RAB2A: variants seen among roughly 807,000 people sequenced by gnomAD.
RAB2A encodes RAB2A, member RAS oncogene family, also known as ras-related protein Rab-2A.
In RAB2A, 7 loss-of-function variants were observed where a neutral mutation model predicts 32.5. The observed-to-expected ratio is 0.22, with a 90% CI of 0.12 to 0.40. RAB2A has a LOEUF of 0.40. RAB2A is among the 10% of genes least tolerant of loss of function. The pLI, the probability that RAB2A is intolerant of heterozygous loss-of-function variation, is 1.00. For synonymous variants in RAB2A, 79 were observed against 85.2 expected (o/e 0.93, Z 0.40); for missense variants, 108 against 260.7 (o/e 0.41, Z 4.03).
At chr8:60,565,410 C>T (rs1382797211) in intron 2 of RAB2A, among the ~76,000 whole-genome samples, 2 of 116,674 alleles carry the variant, frequency 1.7e-5, no homozygotes, top group African/African-American at 8.1e-5. Context: ...CAGAGCAAGA[C>T]CTGCCTCAAA....
At chr8:60,576,387 C>G in intron 3 of RAB2A, 1 of 417,926 alleles carries the variant, frequency 2.4e-6, no homozygotes, top group Non-Finnish European at 4.8e-6. Flanking sequence ...GCCTTCTATT[C>G]CTCTTTCAGT....
chr8:60,592,858 C>A (rs1180755058), intron 6 of RAB2A, among the ~76,000 whole-genome samples: 1 of 152,012 alleles, frequency 6.6e-6, no homozygotes, highest in Non-Finnish European at 1.5e-5. Context: ...AGTAGTTTAT[C>A]CAAAGTAATA....
chr8:60,526,125 C>T (rs1205510474), intron 1 of RAB2A, among the ~76,000 whole-genome samples: 1 of 148,736 alleles, frequency 6.7e-6, no homozygotes, highest in African/African-American at 2.5e-5. Context: ...ATTTATCTTA[C>T]GGTTCTATAG....
chr8:60,517,821 T>C (rs769285474), intron 1 of RAB2A, among the ~76,000 whole-genome samples: 1 of 152,082 alleles, frequency 6.6e-6, no homozygotes, highest in Non-Finnish European at 1.5e-5. Flanking sequence ...ATATAAAATA[T>C]GCTTTTTTAA....
intron 2 of RAB2A, among the ~76,000 whole-genome samples, chr8:60,561,851 C>T (rs1391693593): frequency 6.6e-6 from 1 of 152,192 alleles, no homozygotes; most frequent in East Asian, 1.9e-4. Context: ...AATTCCCTCA[C>T]ACCTAGCTAT....
intron 6 of RAB2A, among the ~76,000 whole-genome samples, chr8:60,607,058 C>CT (rs1563485502): frequency 6.1e-5 from 9 of 147,184 alleles, no homozygotes; most frequent in African/African-American, 1.7e-4. Flanking sequence ...ACTGCTTTTT[C>CT]TTTTTTAAGC....
intron 1 of RAB2A, among the ~76,000 whole-genome samples, chr8:60,546,963 A>G (rs1478675404): frequency 2.1e-5 from 3 of 141,550 alleles, no homozygotes; most frequent in Non-Finnish European, 4.5e-5. Context: ...TGGCAGGGTC[A>G]CAGGACAATA....
intron 1 of RAB2A, among the ~76,000 whole-genome samples, chr8:60,549,336 C>T (rs1304919881): frequency 6.6e-6 from 1 of 152,212 alleles, no homozygotes; most frequent in Non-Finnish European, 1.5e-5. Flanking sequence ...CCACTGCACT[C>T]CAGCCTGGGC....
chr8:60,518,590 A>G (rs1807249319), intron 1 of RAB2A, among the ~76,000 whole-genome samples: 1 of 90,060 alleles, frequency 1.1e-5, no homozygotes, highest in African/African-American at 5.5e-5. Flanking sequence ...CGGAAGGTGG[A>G]GTTTGCAAAA....
rs183537701 is a variant in RAB2A, at chr8:60,607,201, G to A, written c.475-11379G>A. 4.9e-3 allele frequency among the ~76,000 whole-genome samples: 733 copies of A among 149,350 alleles called. 4 individuals carry two copies. Among genetic ancestry groups the A allele is most frequent in the African/African-American group, 0.016 (646 of 40,638 alleles). On this transcript the variant is annotated intron_variant, in intron 6 of 7. Coordinates refer to ENST00000262646, the MANE Select transcript of RAB2A (RefSeq NM_002865.3). Reference sequence around the variant, plus strand: ...TCCCAGCACTTTGGGAGGCCGAGGCGGGCAGATCACAAGGTCAGGAGATCG... The same window carrying A: ...TCCCAGCACTTTGGGAGGCCGAGGCAGGCAGATCACAAGGTCAGGAGATCG...
In RAB2A at chr8:60,598,920, T is replaced by C. The variant is rs1198768665; in HGVS notation, c.474+6951T>C. On this transcript the variant is annotated intron_variant, in intron 6 of 7. Coordinates refer to ENST00000262646, the MANE Select transcript of RAB2A (RefSeq NM_002865.3). ...TTAATCAACATATTGATGGAAGTTC[T>C]AGCCAGTGCAGTAAAGCAAAAAAAA... is the stretch of plus-strand genomic sequence containing the variant. 2.0e-4 allele frequency among the ~76,000 whole-genome samples: 24 copies of C among 117,094 alleles called. 1 individual carries two copies. In the Admixed American group the frequency reaches 2.8e-3, roughly 14 times the overall value. The allele number at this position is 117,094 out of a possible 152,430, so 76.8% of individuals were successfully genotyped here.
chr8:60,564,396 T>G (rs1246592082), intron 2 of RAB2A, among the ~76,000 whole-genome samples: 1 of 152,212 alleles, frequency 6.6e-6, no homozygotes, highest in Non-Finnish European at 1.5e-5. Context: ...TTTCCTTTTT[T>G]GATGGTTATT....
intron 2 of RAB2A, among the ~76,000 whole-genome samples, chr8:60,559,859 G>A (rs1184629082): frequency 6.6e-6 from 1 of 152,140 alleles, no homozygotes; most frequent in Non-Finnish European, 1.5e-5. Context: ...CTTATGTTCT[G>A]TGTGTTTTTA....
At chr8:60,606,543 A>G (rs545394362) in intron 6 of RAB2A, among the ~76,000 whole-genome samples, 1 of 152,354 alleles carries the variant, frequency 6.6e-6, no homozygotes, top group Non-Finnish European at 1.5e-5. Context: ...TCCAAAGAGC[A>G]TAAGAATAAA....
At chr8:60,577,057 G>GT (rs1385732726) in intron 3 of RAB2A, among the ~76,000 whole-genome samples, 2 of 148,060 alleles carry the variant, frequency 1.4e-5, no homozygotes, top group African/African-American at 2.5e-5. Flanking sequence ...TTTTTTTCTT[G>GT]TTTTTTGAGG....
chr8:60,574,274 G>A (rs932950301), intron 3 of RAB2A, among the ~76,000 whole-genome samples: 10 of 152,100 alleles, frequency 6.6e-5, no homozygotes, highest in African/African-American at 2.2e-4. Context: ...ATAGCTTTTT[G>A]TTTACATTAT....
At chr8:60,521,270 T>A (rs1327616676) in intron 1 of RAB2A, among the ~76,000 whole-genome samples, 1 of 152,178 alleles carries the variant, frequency 6.6e-6, no homozygotes, top group Non-Finnish European at 1.5e-5. Context: ...ATTAGAATGA[T>A]GAGTAGGCAC....
At chr8:60,533,475 A>G (rs995118653) in intron 1 of RAB2A, among the ~76,000 whole-genome samples, 1 of 152,228 alleles carries the variant, frequency 6.6e-6, no homozygotes, top group African/African-American at 2.4e-5. Context: ...GGTGACTGAC[A>G]TATGAAAGAG....
intron 1 of RAB2A, among the ~76,000 whole-genome samples, chr8:60,523,485 T>G (rs988104638): frequency 3.9e-5 from 6 of 152,152 alleles, no homozygotes; most frequent in African/African-American, 1.4e-4. Flanking sequence ...CATATGTCTC[T>G]TTCTCAACCA....
Sources: gnomAD v4.1 joint callset for allele counts (sites outside exome capture counted in the v4.1 genomes callset) on GRCh38, gnomAD v4.1.1 for gene constraint, MANE v1.5 for transcripts, NCBI Gene and HGNC (gene_info 2026-07-23, HGNC 2026-07-21) for gene names.